The following KCNAB1 variants were observed in gnomAD, a reference collection of about 807,000 sequenced individuals.
KCNAB1 encodes voltage-gated potassium channel subunit beta-1.
In KCNAB1, 35 loss-of-function variants were observed where a neutral mutation model predicts 64.6. The ratio of observed to expected loss-of-function variants is 0.54; its 90% CI spans 0.41 to 0.72. KCNAB1 has a LOEUF of 0.72. KCNAB1 is among the 30% of genes least tolerant of loss of function. The probability of loss-of-function intolerance (pLI) is 0.00; values close to 1 mark genes in which losing one functional copy is unlikely to be tolerated. For synonymous variants in KCNAB1, 177 were observed against 183.8 expected (o/e 0.96, Z 0.30); for missense variants, 401 against 512.9 (o/e 0.78, Z 2.11).
At chr3:156,255,170 G>A (rs1385235422) in intron 1 of KCNAB1, among the ~76,000 whole-genome samples, 3 of 152,102 alleles carry the variant, frequency 2.0e-5, no homozygotes, top group East Asian at 3.9e-4. Context: ...CCAACAAACC[G>A]CTTTCATTCT....
At chr3:156,427,118 G>C (rs1715873416) in intron 2 of KCNAB1, among the ~76,000 whole-genome samples, 1 of 152,174 alleles carries the variant, frequency 6.6e-6, no homozygotes, top group East Asian at 1.9e-4. Context: ...AGGTCTTCCT[G>C]AGTGCAGGAA....
chr3:156,506,721 G>GTTCTT (rs1319743847), intron 8 of KCNAB1, among the ~76,000 whole-genome samples: 1 of 152,156 alleles, frequency 6.6e-6, no homozygotes, highest in African/African-American at 2.4e-5. Context: ...GTTCTGTTCT[G>GTTCTT]ATTCAGAATC....
intron 1 of KCNAB1, among the ~76,000 whole-genome samples, chr3:156,184,805 C>T (rs1179346489): frequency 6.6e-6 from 1 of 152,138 alleles, no homozygotes; most frequent in Non-Finnish European, 1.5e-5. Context: ...TCCCCTCCTT[C>T]CCCATACCTG....
chr3:156,255,021 C>T (rs1718023056), intron 1 of KCNAB1, among the ~76,000 whole-genome samples: 4 of 152,144 alleles, frequency 2.6e-5, no homozygotes, highest in Non-Finnish European at 5.9e-5. Flanking sequence ...TTTTCCCTGC[C>T]GAGTTGACTA....
In KCNAB1 at chr3:156,457,621, G is replaced by T. The variant is rs144265245; in HGVS notation, c.437+89G>T. On this transcript the variant is annotated intron_variant, in intron 4 of 13. Transcript: ENST00000490337. ...CCATTTCCAGCATGTTGGTGAAAAGGTTCTGTCCTTTCTCCACGTGTTGGC... is the reference window on the plus strand; with the variant it reads ...CCATTTCCAGCATGTTGGTGAAAAGTTTCTGTCCTTTCTCCACGTGTTGGC... The T allele has an allele frequency of 2.6e-6, 3 of 1,169,976 alleles. No homozygotes were observed. The African/African-American group carries it at 4.5e-5, about 18-fold the overall frequency. 72.5% of individuals were successfully genotyped at this position (1,169,976 alleles called of 1,614,324 possible). A position where few individuals can be genotyped will look rare whatever the true frequency, so the allele number is the denominator to read the frequency against.
intron 1 of KCNAB1, among the ~76,000 whole-genome samples, chr3:156,188,679 T>C (rs925053140): frequency 6.6e-6 from 1 of 152,226 alleles, no homozygotes; most frequent in African/African-American, 2.4e-5. Flanking sequence ...GTATGCTTCA[T>C]CTATTCTGAA....
At chr3:156,164,808 C>T (rs371920368) in intron 1 of KCNAB1, among the ~76,000 whole-genome samples, 2 of 152,250 alleles carry the variant, frequency 1.3e-5, no homozygotes, top group South Asian at 4.1e-4. Flanking sequence ...TTTTAAGACA[C>T]TCCATCTCTT....
intron 1 of KCNAB1, among the ~76,000 whole-genome samples, chr3:156,305,378 G>A (rs1050008226): frequency 6.6e-6 from 1 of 152,210 alleles, no homozygotes; most frequent in African/African-American, 2.4e-5. Flanking sequence ...ATAAAGGATT[G>A]CAGGATGGAT....
intron 1 of KCNAB1, among the ~76,000 whole-genome samples, chr3:156,140,972 G>A (rs2108279030): frequency 6.6e-6 from 1 of 152,202 alleles, no homozygotes; most frequent in South Asian, 2.1e-4. Context: ...TAGACCGAAT[G>A]AACAGTTTAT....
chr3:156,300,621 A>G (rs2107986532), intron 1 of KCNAB1, among the ~76,000 whole-genome samples: 1 of 152,092 alleles, frequency 6.6e-6, no homozygotes, highest in African/African-American at 2.4e-5. Flanking sequence ...TTTTAGAAGG[A>G]AAAAAAATGT....
intron 13 of KCNAB1, among the ~76,000 whole-genome samples, chr3:156,534,248 T>C (rs1460121065): frequency 6.6e-6 from 1 of 152,114 alleles, no homozygotes; most frequent in Non-Finnish European, 1.5e-5. Flanking sequence ...TAAGAAAATA[T>C]TTCTAGTAGG....
At chr3:156,372,813 T>C (rs1401210045) in intron 1 of KCNAB1, among the ~76,000 whole-genome samples, 1 of 152,216 alleles carries the variant, frequency 6.6e-6, no homozygotes, top group East Asian at 1.9e-4. Flanking sequence ...AAGGTGAGGC[T>C]GTGAAAGAAT....
At chr3:156,246,431 C>T (rs368416463) in intron 1 of KCNAB1, among the ~76,000 whole-genome samples, 6 of 151,422 alleles carry the variant, frequency 4.0e-5, no homozygotes, top group Admixed American at 6.6e-5. Context: ...GGTGAAACCT[C>T]GTGTCTACTA....
At chr3:156,242,754 A>G (rs1717229897) in intron 1 of KCNAB1, among the ~76,000 whole-genome samples, 1 of 134,774 alleles carries the variant, frequency 7.4e-6, no homozygotes, top group Non-Finnish European at 1.6e-5. Context: ...ATTGTGTCAT[A>G]TTTTCTTCTC....
chr3:156,176,738 G>A, intron 1 of KCNAB1: 2 of 929,282 alleles, frequency 2.2e-6, no homozygotes. Flanking sequence ...GCATGATTGG[G>A]GCTTGAAGGG....
At chr3:156,449,742 G>A (rs1017369117) in intron 2 of KCNAB1, among the ~76,000 whole-genome samples, 8 of 152,302 alleles carry the variant, frequency 5.3e-5, no homozygotes, top group South Asian at 2.1e-4. Flanking sequence ...CTCAATGTAG[G>A]AAAGTAGATG....
chr3:156,177,459 C>T (rs980249726), intron 1 of KCNAB1, among the ~76,000 whole-genome samples: 1 of 152,158 alleles, frequency 6.6e-6, no homozygotes, highest in Non-Finnish European at 1.5e-5. Context: ...TCACAGCAAG[C>T]TCCGCCTTCC....
chr3:156,340,027 G>A (rs1378628702), intron 1 of KCNAB1, among the ~76,000 whole-genome samples: 1 of 152,178 alleles, frequency 6.6e-6, no homozygotes. Flanking sequence ...AACAACTTCT[G>A]AAGTTCAAAT....
chr3:156,353,879 C>T (rs1300873307), intron 1 of KCNAB1, among the ~76,000 whole-genome samples: 2 of 152,058 alleles, frequency 1.3e-5, no homozygotes, highest in Non-Finnish European at 2.9e-5. Context: ...GTTATTGGGT[C>T]CAGCCCATGC....
Sources: allele counts gnomAD v4.1 joint callset (sites outside exome capture counted in the v4.1 genomes callset), GRCh38; gene constraint gnomAD v4.1.1; transcripts MANE v1.5; gene names NCBI Gene and HGNC (gene_info 2026-07-23, HGNC 2026-07-21).